DOCK1: variants seen among roughly 807,000 people sequenced by gnomAD.
DOCK1 encodes dedicator of cytokinesis protein 1.
In DOCK1, 138 loss-of-function variants were observed where a neutral mutation model predicts 262.7. The ratio of observed to expected loss-of-function variants is 0.53; its 90% CI spans 0.46 to 0.61. The LOEUF (loss-of-function observed/expected upper bound fraction) is 0.61. Among genes scored for constraint, DOCK1 ranks in the 20% least tolerant of loss-of-function variants. The pLI is 0.00. For missense variants in DOCK1, 1,908 were observed against 2,370.7 expected (o/e 0.80, Z 4.05); for synonymous variants, 866 against 867.4 (o/e 1.00, Z 0.03).
At chr10:127,418,628 G>A (rs948694653) in intron 45 of DOCK1, 87 bp downstream of exon 45, 19 of 1,456,714 alleles carry the variant, frequency 1.3e-5, no homozygotes, top group Admixed American at 2.4e-5. Flanking sequence ...GCCCAGAAAC[G>A]CCCCTGGTCT....
At chr10:127,245,529 C>T (rs2059404300) in intron 27 of DOCK1, among the ~76,000 whole-genome samples, 1 of 152,224 alleles carries the variant, frequency 6.6e-6, no homozygotes. Context: ...GGGGCATTTA[C>T]ATCCTCCCAG....
At chr10:127,236,662 A>T in intron 27 of DOCK1, among the ~76,000 whole-genome samples, 1 of 151,780 alleles carries the variant, frequency 6.6e-6, no homozygotes, top group East Asian at 1.9e-4. Context: ...TGAATATGGT[A>T]TATTCCTCCA....
chr10:127,217,576 A>G (rs548226380), intron 27 of DOCK1, among the ~76,000 whole-genome samples: 2 of 152,352 alleles, frequency 1.3e-5, no homozygotes, highest in African/African-American at 4.8e-5. Context: ...TGTTTGCAGA[A>G]CCACATGGAA....
intron 29 of DOCK1, among the ~76,000 whole-genome samples, chr10:127,334,905 G>C (rs2063128492): frequency 6.6e-6 from 1 of 152,118 alleles, no homozygotes; most frequent in African/African-American, 2.4e-5. Context: ...TGAGAAGTTT[G>C]CATAAGAAGA....
At chr10:126,969,311 A>G (rs947816950) in intron 1 of DOCK1, among the ~76,000 whole-genome samples, 2 of 152,166 alleles carry the variant, frequency 1.3e-5, no homozygotes, top group South Asian at 2.1e-4. Context: ...AGCTGTCTGT[A>G]GAGACCATGA....
At chr10:127,038,712 T>G (rs910305963) in intron 19 of DOCK1, among the ~76,000 whole-genome samples, 9 of 150,176 alleles carry the variant, frequency 6.0e-5, no homozygotes, top group African/African-American at 2.2e-4. Context: ...CATCTTTATC[T>G]GTGAGAGAGG....
chr10:127,024,737 T>A lies in DOCK1; in HGVS notation c.1505T>A (p.Val502Glu). 13 of 1,612,690 alleles carry A rather than the reference T, an allele frequency of 8.1e-6. No individual in the cohort carries two copies. The highest frequency in any genetic ancestry group is 1.0e-5 in the Non-Finnish European group (12 of 1,179,466). The change falls in exon 15 of 52, where the codon GTG becomes GAG. Residue 502 changes from valine to glutamate, a missense_variant. Transcript: ENST00000623213. ...GAAGCGATTTCAGAGTACAAATCTGTGATTTACTACCAAGTAAAGCAGCCA... is the reference window on the plus strand; with the variant it reads ...GAAGCGATTTCAGAGTACAAATCTGAGATTTACTACCAAGTAAAGCAGCCA... ...GDEAISEYKS[V>E]IYYQVKQPRW...
chr10:127,241,235 C>T (rs1464245618), intron 27 of DOCK1, among the ~76,000 whole-genome samples: 1 of 152,202 alleles, frequency 6.6e-6, no homozygotes, highest in Non-Finnish European at 1.5e-5. Flanking sequence ...AGGAGAATCA[C>T]TTGAACCCAG....
chr10:127,111,088 C>T lies in DOCK1; in HGVS notation c.2623+734C>T, dbSNP rs138324562. Among the ~76,000 whole-genome samples, 116 of 152,192 alleles carry T rather than the reference C, an allele frequency of 7.6e-4. 1 individual carries two copies. The highest frequency in any genetic ancestry group is 2.6e-3 in the African/African-American group (109 of 41,516). On this transcript the variant is annotated intron_variant, in intron 25 of 51. Coordinates refer to ENST00000623213, the MANE Select transcript of DOCK1 (RefSeq NM_001290223.2). ...GCTGCTCCATTCATTTTCTGTTGTCCTCATTCTTGGTGTTGTTCTCAGTTC... is the reference window on the plus strand; with the variant it reads ...GCTGCTCCATTCATTTTCTGTTGTCTTCATTCTTGGTGTTGTTCTCAGTTC...
chr10:126,983,227 CTCTA>C lies in DOCK1; in HGVS notation c.227+1258_227+1261del, dbSNP rs200513134. Among the ~76,000 whole-genome samples, 904 of 152,328 alleles carry C rather than the reference CTCTA, an allele frequency of 5.9e-3. 28 individuals carry two copies. Among genetic ancestry groups the C allele is most frequent in the Admixed American group, 0.045 (691 of 15,308 alleles). ...ATTGTTCTCCACACTGTTTTCCTGGCTCTATCTGTCTCCCTTGCCACGGCCACTC... is the reference window on the plus strand; with the variant it reads ...ATTGTTCTCCACACTGTTTTCCTGGCTCTGTCTCCCTTGCCACGGCCACTC... On this transcript the variant is annotated intron_variant, in intron 4 of 51. Coordinates refer to ENST00000623213, the MANE Select transcript of DOCK1 (RefSeq NM_001290223.2).
At chr10:126,994,134 C>T (rs1289860195) in intron 6 of DOCK1, among the ~76,000 whole-genome samples, 1 of 152,030 alleles carries the variant, frequency 6.6e-6, no homozygotes, top group Non-Finnish European at 1.5e-5. Context: ...TGCCCTTAGA[C>T]CTGCGTGTTT....
intron 2 of DOCK1, among the ~76,000 whole-genome samples, chr10:126,975,014 A>G (rs1160516313): frequency 6.6e-6 from 1 of 151,982 alleles, no homozygotes; most frequent in African/African-American, 2.4e-5. Flanking sequence ...CCTGCCTCCC[A>G]TAGAAAACCT....
chr10:127,084,569 T>A (rs1372385908), intron 23 of DOCK1, among the ~76,000 whole-genome samples: 1 of 152,224 alleles, frequency 6.6e-6, no homozygotes, highest in Admixed American at 6.5e-5. Flanking sequence ...TGAGATACCA[T>A]TGATTGTTTC....
chr10:127,319,813 T>C (rs1283099042), intron 29 of DOCK1, among the ~76,000 whole-genome samples: 7 of 152,170 alleles, frequency 4.6e-5, no homozygotes, highest in African/African-American at 1.7e-4. Context: ...TAACCTGAGC[T>C]CTGCTACAGA....
chr10:127,384,727 C>T (rs965648618), intron 37 of DOCK1, 63 bp from the exon 38 acceptor site: 3 of 1,472,482 alleles, frequency 2.0e-6, no homozygotes, highest in Non-Finnish European at 1.8e-6. Flanking sequence ...GCGAAGCTCA[C>T]ACCATTCTGA....
chr10:127,040,509 C>T (rs911185987), intron 19 of DOCK1, among the ~76,000 whole-genome samples: 8 of 152,162 alleles, frequency 5.3e-5, no homozygotes, highest in South Asian at 2.1e-4. Context: ...TCCTCTCTCC[C>T]GAAGGAGGCG....
chr10:127,016,857 A>G (rs941564184), intron 12 of DOCK1, among the ~76,000 whole-genome samples: 6 of 150,450 alleles, frequency 4.0e-5, no homozygotes, highest in African/African-American at 1.5e-4. Context: ...CAGATACCAT[A>G]AACACACACA....
chr10:127,160,073 C>T (rs993847795), intron 27 of DOCK1, among the ~76,000 whole-genome samples: 16 of 150,334 alleles, frequency 1.1e-4, no homozygotes, highest in African/African-American at 3.7e-4. Flanking sequence ...GCCTGAGAGG[C>T]AGGACTAACA....
chr10:127,204,579 G>A (rs2057626165), intron 27 of DOCK1, among the ~76,000 whole-genome samples: 1 of 152,080 alleles, frequency 6.6e-6, no homozygotes, highest in East Asian at 1.9e-4. Flanking sequence ...GAGCCACCGT[G>A]CCTGACCGTT....
Sources: gnomAD v4.1 joint callset for allele counts (sites outside exome capture counted in the v4.1 genomes callset) on GRCh38, gnomAD v4.1.1 for gene constraint, MANE v1.5 for transcripts, NCBI Gene and HGNC (gene_info 2026-07-23, HGNC 2026-07-21) for gene names.